PTPRQ: variants seen among roughly 807,000 people sequenced by gnomAD.
PTPRQ encodes the protein phosphatidylinositol phosphatase PTPRQ.
A neutral mutation model predicts 246.0 loss-of-function variants in PTPRQ; 199 were observed. The ratio of observed to expected loss-of-function variants is 0.81; its 90% confidence interval spans 0.72 to 0.91. The LOEUF is 0.91. Ranked by LOEUF, PTPRQ falls within the 40% of genes least tolerant of loss-of-function variation. The pLI, the probability that PTPRQ is intolerant of heterozygous loss-of-function variation, is 0.00. For synonymous variants in PTPRQ, 869 were observed against 853.2 expected (o/e 1.02, Z -0.32); for missense variants, 2,624 against 2,528.4 (o/e 1.04, Z -0.81).
At chr12:80,537,722 T>C (rs1896029491) in intron 19 of PTPRQ, among the ~76,000 whole-genome samples, 1 of 152,222 alleles carries the variant, frequency 6.6e-6, no homozygotes, top group Admixed American at 6.5e-5. Flanking sequence ...TTGTTGCACA[T>C]TGTATTTTGT....
In PTPRQ at chr12:80,496,031, G is replaced by A. The variant is rs1321948944; in HGVS notation, c.1915G>A (p.Val639Met). 3 of 1,549,946 alleles carry A rather than the reference G, an allele frequency of 1.9e-6. No homozygotes were observed. In the Admixed American group the frequency reaches 5.9e-5, roughly 30 times the overall value. ...GAAATACACAAAATACAAAATGAGA[G>A]TGGCAGCCTCAACCCACGTTGGAGA... ...LKKYTKYKMRVAASTHVGESS... is the reference protein window; with the variant it reads ...LKKYTKYKMRMAASTHVGESS... The change falls in exon 13 of 45, where the codon GTG becomes ATG. Residue 639 changes from valine (V) to methionine (M), a missense_variant. Physicochemically the swap from Val to Met is conservative, Grantham distance 21. Coordinates refer to ENST00000644991, the MANE Select transcript of PTPRQ (RefSeq NM_001145026.2).
intron 25 of PTPRQ, among the ~76,000 whole-genome samples, 158 bp from the exon 26 acceptor site, chr12:80,587,971 T>A (rs533637042): frequency 6.6e-6 from 1 of 152,330 alleles, no homozygotes; most frequent in Admixed American, 6.5e-5. Context: ...AGCATCACTC[T>A]AAGGTTCTTC....
rs141560029 is a variant in PTPRQ at position 80,614,125 on chromosome 12, A to T, written c.5163+289A>T. On this transcript the variant is annotated intron_variant, in intron 29 of 44. Coordinates refer to ENST00000644991, the MANE Select transcript of PTPRQ (RefSeq NM_001145026.2). ...GCACATTAAAAGTAAAAGAACAGTG[A>T]TATATAAAGAGATAACTCTGCCTAA... 0.016 allele frequency among the ~76,000 whole-genome samples: 2,469 copies of T among 150,902 alleles called. 55 individuals are homozygous for T. The highest frequency in any genetic ancestry group is 0.071 in the South Asian group (342 of 4,812).
intron 16 of PTPRQ, among the ~76,000 whole-genome samples, chr12:80,506,923 T>G (rs1205367035): frequency 6.6e-6 from 1 of 151,994 alleles, no homozygotes; most frequent in Non-Finnish European, 1.5e-5. Context: ...GTCAGTCATG[T>G]TTTTCCATGG....
Position 80,449,335 on chromosome 12 carries a change from C to T in PTPRQ, c.390+3618C>T, listed in dbSNP as rs545409294. ...CCCCATTTTTTGGGTTGCCTGTTCA[C>T]TCTGATGGTAGTTTCTTTTGCTGTG... On this transcript the variant is annotated intron_variant, in intron 3 of 44. Transcript: ENST00000644991. Among the ~76,000 whole-genome samples the T allele has an allele frequency of 3.3e-5, 5 of 152,240 alleles. No individual in the cohort carries two copies. In the South Asian group the frequency reaches 1.0e-3, roughly 32 times the overall value.
chr12:80,454,425 C>T (rs1427362002), intron 3 of PTPRQ: 1 of 644,460 alleles, frequency 1.6e-6, no homozygotes, highest in Non-Finnish European at 2.8e-6. Context: ...AACCCGGTAC[C>T]TCAGATGGAA....
intron 8 of PTPRQ, among the ~76,000 whole-genome samples, chr12:80,473,980 G>A (rs1202344348): frequency 6.6e-6 from 1 of 152,208 alleles, no homozygotes; most frequent in Non-Finnish European, 1.5e-5. Flanking sequence ...GGTTGGCATG[G>A]TTCTTATATC....
At chr12:80,572,878 C>T (rs908162879) in intron 25 of PTPRQ, among the ~76,000 whole-genome samples, 1 of 152,076 alleles carries the variant, frequency 6.6e-6, no homozygotes, top group South Asian at 2.1e-4. Context: ...TGTTATTCTA[C>T]TATATATTGC....
chr12:80,549,508 G>T lies in PTPRQ; in HGVS notation c.4059G>T (p.Trp1353Cys). ...VQNMQCMATSWQSVLVKWDPP... is the reference protein window; with the variant it reads ...VQNMQCMATSCQSVLVKWDPP... The stretch of plus-strand genomic sequence containing the variant: ...ATATGCAGTGCATGGCAACTAGCTG[G>T]CAGTCAGTTTTAGTGAAATGGGATC... Residue 1353 changes from tryptophan (W) to cysteine (C), a missense_variant, in exon 25 of 45, where the codon TGG becomes TGT. Coordinates refer to ENST00000644991, the MANE Select transcript of PTPRQ (RefSeq NM_001145026.2). The T allele has an allele frequency of 6.4e-7, 1 of 1,550,938 alleles. No individual in the cohort carries two copies. The highest frequency in any genetic ancestry group is 8.7e-7 in the Non-Finnish European group (1 of 1,146,504).
chr12:80,495,447 C>T (rs1894587817), intron 12 of PTPRQ, 76 bp downstream of exon 12: 1 of 1,453,308 alleles, frequency 6.9e-7, no homozygotes, highest in Non-Finnish European at 9.0e-7. Flanking sequence ...TGCCCATCTC[C>T]CTGTGCCTTA....
At chr12:80,673,391 G>A in intron 43 of PTPRQ, 87 bp downstream of exon 43, 1 of 1,482,314 alleles carries the variant, frequency 6.7e-7, no homozygotes, top group Non-Finnish European at 9.0e-7. Flanking sequence ...ATGGACATGA[G>A]CTTGAAGCTG....
chr12:80,489,787 A>T (rs776532354), intron 9 of PTPRQ, among the ~76,000 whole-genome samples: 1 of 151,976 alleles, frequency 6.6e-6, no homozygotes, highest in Non-Finnish European at 1.5e-5. Flanking sequence ...AAAAACCCTG[A>T]AGTCATTTCC....
intron 38 of PTPRQ, among the ~76,000 whole-genome samples, chr12:80,657,314 CA>C (rs1163622511): frequency 6.6e-6 from 1 of 151,368 alleles, no homozygotes; most frequent in East Asian, 1.9e-4. Context: ...TGTATTTGTA[CA>C]AAGAACATAA....
At chr12:80,575,392 C>G (rs1253404767) in intron 25 of PTPRQ, among the ~76,000 whole-genome samples, 1 of 151,894 alleles carries the variant, frequency 6.6e-6, no homozygotes, top group Non-Finnish European at 1.5e-5. Context: ...TTGAGAACAG[C>G]CTTGGCAATG....
At chr12:80,658,769 A>G (rs1330977473) in intron 39 of PTPRQ, among the ~76,000 whole-genome samples, 1 of 151,984 alleles carries the variant, frequency 6.6e-6, no homozygotes, top group South Asian at 2.1e-4. Context: ...TAGCAAGCTT[A>G]ACCATCTTCA....
intron 43 of PTPRQ, among the ~76,000 whole-genome samples, chr12:80,678,056 G>A (rs996936083): frequency 1.3e-5 from 2 of 152,002 alleles, no homozygotes; most frequent in South Asian, 2.1e-4. Context: ...TGGATGTTTG[G>A]GTACTTCAAT....
At chr12:80,660,379 A>C (rs892306094) in intron 39 of PTPRQ, among the ~76,000 whole-genome samples, 4 of 151,902 alleles carry the variant, frequency 2.6e-5, no homozygotes, top group African/African-American at 9.7e-5. Context: ...GCCGTTGGCC[A>C]TTCTCGAGAA....
At chr12:80,526,384 G>T (rs913074451) in intron 17 of PTPRQ, among the ~76,000 whole-genome samples, 2 of 152,164 alleles carry the variant, frequency 1.3e-5, no homozygotes, top group Admixed American at 6.6e-5. Context: ...AAGACTATTA[G>T]TGTGGTTTTT....
rs1592553737 is a variant in PTPRQ, at chr12:80,475,759, G to A, written c.1186+3508G>A. Among the ~76,000 whole-genome samples, 3 of 151,812 alleles carry A rather than the reference G, an allele frequency of 2.0e-5. No individual in the cohort carries two copies. The East Asian group carries it at 5.8e-4, about 29-fold the overall frequency. On this transcript the variant is annotated intron_variant, in intron 8 of 44. Transcript: ENST00000644991. ...AATCTTTACCTGGATTGTAATTTTT[G>A]GCATTAAGTATCATGGGGCAACACT...
Sources: gnomAD v4.1 joint callset for allele counts (sites outside exome capture counted in the v4.1 genomes callset) on GRCh38, gnomAD v4.1.1 for gene constraint, MANE v1.5 for transcripts, NCBI Gene and HGNC (gene_info 2026-07-23, HGNC 2026-07-21) for gene names.